Variants in FANCL observed in about 807,000 individuals in gnomAD.
FANCL encodes FA complementation group L.
FANCL carries 69 observed loss-of-function variants against 59.4 expected under a neutral mutation model. The ratio of observed to expected loss-of-function variants is 1.16; its 90% CI spans 0.96 to 1.42. The LOEUF (loss-of-function observed/expected upper bound fraction) is 1.42, where lower values mean the gene tolerates loss of function less well. FANCL is among the 40% of genes most tolerant of loss of function. The pLI, the probability that FANCL is intolerant of heterozygous loss-of-function variation, is 0.00. For synonymous variants in FANCL, 180 were observed against 147.1 expected, an observed-to-expected ratio of 1.22 and a Z score of -1.62; for missense variants, 519 against 447.2, an observed-to-expected ratio of 1.16 and a Z score of -1.45.
intron 11 of FANCL, among the ~76,000 whole-genome samples, chr2:58,162,595 CTA>C (rs1685366349): frequency 6.6e-6 from 1 of 151,776 alleles, no homozygotes; most frequent in Admixed American, 6.6e-5. Context: ...CCGACTTCTT[CTA>C]TATATGGGTC....
chr2:58,190,744 A>G (rs1037985277), intron 7 of FANCL, among the ~76,000 whole-genome samples: 1 of 151,950 alleles, frequency 6.6e-6, no homozygotes, highest in Non-Finnish European at 1.5e-5. Context: ...GAGCCAAGGA[A>G]CTAACAGTGA....
Position 58,237,448 on chromosome 2 carries a change from T to C in FANCL, c.96+3770A>G, listed in dbSNP as rs376979561. Among the ~76,000 whole-genome samples the C allele has an allele frequency of 8.5e-5, 13 of 152,248 alleles. 2 individuals carry two copies. The highest frequency in any genetic ancestry group is 6.5e-4 in the Admixed American group (10 of 15,290). ...CTACAGCACACCAAAATGTGTGTGA[T>C]ATAGCTAAACCAGTATTCAAAAGAA... On this transcript the variant is annotated intron_variant, in intron 1 of 13. Coordinates refer to ENST00000233741, the MANE Select transcript of FANCL (RefSeq NM_018062.4).
At chr2:58,203,026 TAA>T (rs138392448) in intron 6 of FANCL, among the ~76,000 whole-genome samples, 2,392 of 134,098 alleles carry the variant, frequency 0.018, 81 homozygotes, top group African/African-American at 0.059. Flanking sequence ...AAATTTCTCT[TAA>T]AAAAAAAAAA....
rs868681870 is a variant in FANCL, at chr2:58,168,819, T to C, written c.541-2945A>G. ...TACGTGGTTTACCCCTCACAGTGTA[T>C]ACAATGCCACGAGGAAGCTGGAACT... On this transcript the variant is annotated intron_variant, in intron 7 of 13. Transcript: ENST00000233741. Among the ~76,000 whole-genome samples, 11 of 152,128 alleles carry C rather than the reference T, an allele frequency of 7.2e-5. No homozygotes were observed. The South Asian group carries it at 1.5e-3, about 20-fold the overall frequency.
At chr2:58,182,991 G>A (rs1688070931) in intron 7 of FANCL, among the ~76,000 whole-genome samples, 1 of 151,752 alleles carries the variant, frequency 6.6e-6, no homozygotes, top group African/African-American at 2.4e-5. Flanking sequence ...CAAGATCCGA[G>A]TGAGATAATG....
intron 11 of FANCL, 91 bp from the exon 12 acceptor site, chr2:58,161,729 C>A: frequency 1.3e-6 from 1 of 791,638 alleles, no homozygotes; most frequent in Non-Finnish European, 2.2e-6. Flanking sequence ...TATTTTGATA[C>A]ATGTATACAG....
intron 7 of FANCL, among the ~76,000 whole-genome samples, chr2:58,195,292 T>C (rs546848816): frequency 1.3e-5 from 2 of 152,288 alleles, no homozygotes; most frequent in Non-Finnish European, 2.9e-5. Flanking sequence ...TCCAAAGTCC[T>C]TATGATATAC....
chr2:58,166,222 T>A (rs1309332546), intron 7 of FANCL, among the ~76,000 whole-genome samples: 1 of 152,202 alleles, frequency 6.6e-6, no homozygotes, highest in Non-Finnish European at 1.5e-5. Context: ...ATAGCTAACA[T>A]TGGACCTATA....
At chr2:58,185,890 T>G (rs946898629) in intron 7 of FANCL, among the ~76,000 whole-genome samples, 1 of 152,178 alleles carries the variant, frequency 6.6e-6, no homozygotes, top group African/African-American at 2.4e-5. Context: ...ACTGCTGAAT[T>G]ACTTGTACAC....
intron 1 of FANCL, among the ~76,000 whole-genome samples, chr2:58,232,444 T>C (rs1369083839): frequency 6.6e-6 from 1 of 152,048 alleles, no homozygotes; most frequent in South Asian, 2.1e-4. Flanking sequence ...TGTTATTTCT[T>C]AGTAAATAAA....
At chr2:58,221,449 A>G (rs1351414629) in intron 5 of FANCL, among the ~76,000 whole-genome samples, 3 of 152,066 alleles carry the variant, frequency 2.0e-5, no homozygotes, top group Non-Finnish European at 4.4e-5. Context: ...AAAAAAAATC[A>G]TTTTTTTCAA....
intron 3 of FANCL, among the ~76,000 whole-genome samples, chr2:58,227,931 GA>G (rs368922000): frequency 0.03 from 4,540 of 150,302 alleles, 219 homozygotes; most frequent in African/African-American, 0.1. Context: ...AGGAGGAAGA[GA>G]AAAAAAAAGA....
intron 2 of FANCL, among the ~76,000 whole-genome samples, chr2:58,230,467 T>C (rs1693474191): frequency 6.6e-6 from 1 of 152,112 alleles, no homozygotes; most frequent in South Asian, 2.1e-4. Flanking sequence ...CAAGCCTGGC[T>C]AGAAAGATAC....
chr2:58,210,806 T>C (rs1447954764), intron 5 of FANCL, among the ~76,000 whole-genome samples: 1 of 152,160 alleles, frequency 6.6e-6, no homozygotes, highest in Non-Finnish European at 1.5e-5. Context: ...AATCAAATCT[T>C]AAAGCTCCAA....
intron 5 of FANCL, among the ~76,000 whole-genome samples, chr2:58,217,555 A>G (rs1011148941): frequency 1.3e-5 from 2 of 152,052 alleles, no homozygotes; most frequent in African/African-American, 4.8e-5. Context: ...TTGTGTAGTT[A>G]TAACAAAGTA....
At chr2:58,182,664 C>T (rs1688043939) in intron 7 of FANCL, among the ~76,000 whole-genome samples, 2 of 151,606 alleles carry the variant, frequency 1.3e-5, no homozygotes, top group African/African-American at 4.8e-5. Flanking sequence ...ATGAGTCAAG[C>T]ACTGAAGAAT....
intron 7 of FANCL, among the ~76,000 whole-genome samples, chr2:58,191,313 G>A (rs1205351792): frequency 1.3e-5 from 2 of 151,750 alleles, no homozygotes; most frequent in African/African-American, 2.4e-5. Flanking sequence ...CATTAAAGGA[G>A]TCATTTGGAG....
At chr2:58,208,654 C>T in intron 5 of FANCL, among the ~76,000 whole-genome samples, 1 of 152,096 alleles carries the variant, frequency 6.6e-6, no homozygotes, top group East Asian at 1.9e-4. Context: ...GACTGAAGAC[C>T]TTCATGTTTG....
At chr2:58,220,508 A>C (rs971220944) in intron 5 of FANCL, among the ~76,000 whole-genome samples, 4 of 152,260 alleles carry the variant, frequency 2.6e-5, no homozygotes, top group African/African-American at 7.2e-5. Context: ...TTTCTGTAAT[A>C]ATCACAGTGC....
Sources: allele counts gnomAD v4.1 joint callset (sites outside exome capture counted in the v4.1 genomes callset), GRCh38; gene constraint gnomAD v4.1.1; transcripts MANE v1.5; gene names NCBI Gene and HGNC (gene_info 2026-07-23, HGNC 2026-07-21).